The following ADCY7 variants were observed in gnomAD, a reference collection of about 807,000 sequenced individuals.
The protein encoded by ADCY7 is adenylate cyclase 7.
Under a neutral mutation model 120.6 loss-of-function variants are expected in ADCY7, and 72 were observed. That is an observed-to-expected ratio of 0.60 (90% CI 0.49 to 0.73). ADCY7 has a LOEUF of 0.73. ADCY7 is among the 30% of genes least tolerant of loss of function. ADCY7 has a pLI of 0.00. For missense variants in ADCY7, 1,227 were observed against 1,486.0 expected (o/e 0.83, Z 2.87); for synonymous variants, 661 against 628.0 (o/e 1.05, Z -0.78).
intron 1 of ADCY7, among the ~76,000 whole-genome samples, chr16:50,285,970 G>C (rs746040205): frequency 1.1e-4 from 16 of 152,148 alleles, no homozygotes; most frequent in Non-Finnish European, 1.8e-4. Flanking sequence ...TATGGGCTGA[G>C]CATGGCAAGT....
chr16:50,257,117 T>C (rs1053382567), intron 1 of ADCY7, among the ~76,000 whole-genome samples: 3 of 152,096 alleles, frequency 2.0e-5, no homozygotes, highest in African/African-American at 7.2e-5. Flanking sequence ...CGGTGGCTCA[T>C]GCCTGTCATC....
chr16:50,301,229 A>C lies in ADCY7; in HGVS notation c.1368+15A>C. ...TCGACCCCCGGGTACGAGGGCTCAG[A>C]GGCCGCAGCTGGGGGGGACCCGGAG... On this transcript the variant is annotated intron_variant, in intron 10 of 25. Coordinates refer to ENST00000673801, the MANE Select transcript of ADCY7 (RefSeq NM_001114.5). 1 of 1,562,292 alleles carries C rather than the reference A, an allele frequency of 6.4e-7. No individual in the cohort carries two copies. The highest frequency in any genetic ancestry group is 1.2e-5 in the South Asian group (1 of 85,760).
chr16:50,253,154 C>T (rs887172848), intron 1 of ADCY7, among the ~76,000 whole-genome samples: 4 of 152,198 alleles, frequency 2.6e-5, no homozygotes, highest in East Asian at 3.8e-4. Context: ...CCAGCATTTT[C>T]GCAGTTAGAG....
chr16:50,256,753 G>C (rs574422980), intron 1 of ADCY7, among the ~76,000 whole-genome samples: 103 of 152,228 alleles, frequency 6.8e-4, no homozygotes, highest in African/African-American at 2.4e-3. Context: ...CTTGAGCACT[G>C]TTGGTGGGAA....
chr16:50,247,997 A>G (rs1281312790), intron 1 of ADCY7, among the ~76,000 whole-genome samples: 1 of 152,094 alleles, frequency 6.6e-6, no homozygotes, highest in Non-Finnish European at 1.5e-5. Flanking sequence ...TATCCCTTGT[A>G]TCTTTAATCA....
intron 9 of ADCY7, 61 bp from the exon 10 acceptor site, chr16:50,301,021 C>T: frequency 6.3e-7 from 1 of 1,589,850 alleles, no homozygotes; most frequent in Non-Finnish European, 8.6e-7. Context: ...GCTGTGCATC[C>T]CTGGGTGGAT....
At chr16:50,284,049 C>G (rs906941772) in intron 1 of ADCY7, among the ~76,000 whole-genome samples, 1 of 152,146 alleles carries the variant, frequency 6.6e-6, no homozygotes, top group South Asian at 2.1e-4. Flanking sequence ...GAGTCGAGGG[C>G]TGGTGGAAGA....
rs2036859014 is a variant in ADCY7 at position 50,317,515 on chromosome 16, T to G, written c.*2010T>G. On this transcript the variant is annotated 3_prime_UTR_variant, in exon 26 of 26. Transcript: ENST00000673801. ...TTGGAATATTTGTTTTTTTCTTCAG[T>G]AACAACAGAAACCCCAGTTGGGAGT... 6.6e-6 allele frequency: 1 copy of G among 152,366 alleles called. No individual in the cohort carries two copies. Among genetic ancestry groups the G allele is most frequent in the African/African-American group, 2.4e-5 (1 of 41,458 alleles). The allele number at this position is 152,366 out of a possible 1,614,324, so 9.4% of individuals were successfully genotyped here.
intron 7 of ADCY7, among the ~76,000 whole-genome samples, chr16:50,296,506 G>A (rs2035363147): frequency 6.6e-6 from 1 of 151,946 alleles, no homozygotes; most frequent in East Asian, 1.9e-4. Flanking sequence ...ACAGGCGCCT[G>A]CCACCACGCC....
At chr16:50,294,580 C>T in intron 6 of ADCY7, 60 bp from the exon 7 acceptor site, 1 of 1,118,268 alleles carries the variant, frequency 8.9e-7, no homozygotes, top group South Asian at 1.4e-5. Context: ...CTGCGTGCTC[C>T]TGCTGCTGCT....
At chr16:50,273,089 G>A (rs915442907) in intron 1 of ADCY7, among the ~76,000 whole-genome samples, 2 of 152,202 alleles carry the variant, frequency 1.3e-5, no homozygotes, top group Non-Finnish European at 2.9e-5. Context: ...CCCAGTGCCT[G>A]TTTATGTCAC....
chr16:50,268,950 T>C (rs144988000), intron 1 of ADCY7, among the ~76,000 whole-genome samples: 1 of 152,062 alleles, frequency 6.6e-6, no homozygotes, highest in Admixed American at 6.5e-5. Context: ...GGCAGGAGGA[T>C]CCTTTGAGCC....
intron 1 of ADCY7, among the ~76,000 whole-genome samples, chr16:50,258,871 C>T (rs574443805): frequency 3.3e-5 from 5 of 152,262 alleles, no homozygotes; most frequent in Admixed American, 2.6e-4. Context: ...GCTGGAATTA[C>T]AAGCATGAGC....
chr16:50,289,553 C>A (rs1014957061), intron 2 of ADCY7, among the ~76,000 whole-genome samples: 1 of 152,266 alleles, frequency 6.6e-6, no homozygotes, highest in Non-Finnish European at 1.5e-5. Context: ...GCAGCCTCCA[C>A]CTCCTAGGTT....
chr16:50,249,180 C>A (rs940648626), intron 1 of ADCY7, among the ~76,000 whole-genome samples: 8 of 152,234 alleles, frequency 5.3e-5, no homozygotes, highest in African/African-American at 1.9e-4. Context: ...CGGCTCACAC[C>A]TGTAATTCTA....
intron 11 of ADCY7, 115 bp from the exon 12 acceptor site, chr16:50,304,810 C>A: frequency 7.0e-7 from 1 of 1,432,162 alleles, no homozygotes; most frequent in South Asian, 1.2e-5. Flanking sequence ...CTTGGACGAC[C>A]CCGACACCTT....
intron 22 of ADCY7, chr16:50,313,723 A>AT: frequency 1.8e-6 from 1 of 544,870 alleles, no homozygotes; most frequent in Non-Finnish European, 3.3e-6. Flanking sequence ...GCAGACACAG[A>AT]TGGAAGGGAA....
chr16:50,313,838 G>C, intron 22 of ADCY7, 120 bp from the exon 23 acceptor site: 1 of 755,062 alleles, frequency 1.3e-6, no homozygotes, highest in Non-Finnish European at 2.3e-6. Flanking sequence ...GCAGCCATGA[G>C]ACGTGTGTGC....
At chr16:50,248,438 C>T (rs996354968) in intron 1 of ADCY7, among the ~76,000 whole-genome samples, 5 of 152,234 alleles carry the variant, frequency 3.3e-5, no homozygotes, top group African/African-American at 1.2e-4. Context: ...TAGGCATGGG[C>T]CCTGCCATGG....
Sources: gnomAD v4.1 joint callset for allele counts (sites outside exome capture counted in the v4.1 genomes callset) on GRCh38, gnomAD v4.1.1 for gene constraint, MANE v1.5 for transcripts, NCBI Gene and HGNC (gene_info 2026-07-23, HGNC 2026-07-21) for gene names.